The following EMSY variants were observed in gnomAD, a reference collection of about 807,000 sequenced individuals.
EMSY encodes the protein EMSY transcriptional repressor, BRCA2 interacting.
EMSY carries 26 observed loss-of-function variants against 134.6 expected under a neutral mutation model. The ratio of observed to expected loss-of-function variants is 0.19; its 90% CI spans 0.14 to 0.27. The LOEUF (loss-of-function observed/expected upper bound fraction) is 0.27. Among genes scored for constraint, EMSY ranks in the 10% least tolerant of loss-of-function variants. The pLI is 1.00. For missense variants in EMSY, 1,305 were observed against 1,611.4 expected, an observed-to-expected ratio of 0.81 and a Z score of 3.26; for synonymous variants, 579 against 577.8, an observed-to-expected ratio of 1.00 and a Z score of -0.03.
At chr11:76,525,023 C>T (rs1334052357) in intron 12 of EMSY, among the ~76,000 whole-genome samples, 1 of 152,132 alleles carries the variant, frequency 6.6e-6, no homozygotes, top group Non-Finnish European at 1.5e-5. Flanking sequence ...CCACTGCCAC[C>T]CCCGCCAAAG....
intron 3 of EMSY, among the ~76,000 whole-genome samples, chr11:76,452,450 G>A (rs1195555445): frequency 2.0e-5 from 3 of 152,080 alleles, no homozygotes; most frequent in African/African-American, 7.2e-5. Flanking sequence ...CATTAATATA[G>A]GGATGTTATT....
rs969521147 is a variant in EMSY, at chr11:76,511,425, G to A, written c.1364-1961G>A. On this transcript the variant is annotated intron_variant, in intron 9 of 20. Coordinates refer to ENST00000334736, the Ensembl canonical transcript of EMSY. ...CTTTAAGAATTACTTAATTGTGGTC[G>A]GGTCTGGTGGCTCACACCTGTAATC... 4.6e-5 allele frequency among the ~76,000 whole-genome samples: 7 copies of A among 152,148 alleles called. No homozygotes were observed. The South Asian group carries it at 6.2e-4, about 14-fold the overall frequency.
Position 76,547,022 on chromosome 11 carries a change from T to A in EMSY, c.3774+725T>A, listed in dbSNP as rs1200356591. On this transcript the variant is annotated intron_variant, in intron 20 of 20. Transcript: ENST00000334736. ...TCTAAAAATCATCTCTTGTCATGCA[T>A]AATAGGTCAAGACTAAAGAATTACT... The A allele has an allele frequency of 2.9e-5, 13 of 449,120 alleles. 1 individual carries two copies. Among genetic ancestry groups the A allele is most frequent in the African/African-American group, 8.0e-5 (4 of 49,764 alleles). 27.8% of individuals were successfully genotyped at this position (449,120 alleles called of 1,614,324 possible). A position where few individuals can be genotyped will look rare whatever the true frequency, so the allele number is the denominator to read the frequency against.
chr11:76,546,751 C>T (rs1164191113), intron 20 of EMSY, among the ~76,000 whole-genome samples: 1 of 152,134 alleles, frequency 6.6e-6, no homozygotes, highest in African/African-American at 2.4e-5. Flanking sequence ...AGTTCTTGTT[C>T]TTGATCCAAA....
intron 16 of EMSY, among the ~76,000 whole-genome samples, chr11:76,538,951 C>T (rs1951328607): frequency 6.6e-6 from 1 of 152,142 alleles, no homozygotes; most frequent in Non-Finnish European, 1.5e-5. Flanking sequence ...GAGGGAGACT[C>T]TGTCTCAAAA....
intron 12 of EMSY, among the ~76,000 whole-genome samples, chr11:76,526,076 A>G (rs1252122564): frequency 6.6e-6 from 1 of 152,166 alleles, no homozygotes; most frequent in Non-Finnish European, 1.5e-5. Context: ...ATAAATATGT[A>G]TGTGGGGGTT....
chr11:76,496,588 A>C, intron 9 of EMSY, 119 bp downstream of exon 10: 1 of 1,162,506 alleles, frequency 8.6e-7, no homozygotes, highest in Non-Finnish European at 1.3e-6. Flanking sequence ...CTTTTTCATC[A>C]GTGTTTTACA....
At chr11:76,525,510 T>C (rs1191968817) in intron 12 of EMSY, among the ~76,000 whole-genome samples, 2 of 152,212 alleles carry the variant, frequency 1.3e-5, no homozygotes, top group Non-Finnish European at 2.9e-5. Flanking sequence ...AATTCTCAAA[T>C]CTTTTCATTT....
chr11:76,457,137 C>A (rs1256902564), intron 4 of EMSY, among the ~76,000 whole-genome samples: 1 of 151,956 alleles, frequency 6.6e-6, no homozygotes, highest in Non-Finnish European at 1.5e-5. Flanking sequence ...TAACTATCAT[C>A]ATTACTATCA....
At chr11:76,542,388 T>C in intron 18 of EMSY, 21 bp downstream of exon 19, 1 of 1,609,576 alleles carries the variant, frequency 6.2e-7, no homozygotes, top group Non-Finnish European at 8.5e-7. Context: ...TTCTTTTTCT[T>C]CCTATCTTCT....
chr11:76,506,783 C>G (rs1205717127), intron 9 of EMSY, among the ~76,000 whole-genome samples: 6 of 152,130 alleles, frequency 3.9e-5, no homozygotes. Flanking sequence ...AATCGAAAAT[C>G]CCGATAAGAT....
At chr11:76,518,355 A>G (rs1010259024) in intron 11 of EMSY, among the ~76,000 whole-genome samples, 4 of 150,890 alleles carry the variant, frequency 2.7e-5, no homozygotes, top group African/African-American at 9.7e-5. Context: ...TTTTCTAGAG[A>G]CAGGGTTTTG....
intron 7 of EMSY, among the ~76,000 whole-genome samples, chr11:76,469,299 A>G (rs140687267): frequency 1.3e-5 from 2 of 152,318 alleles, no homozygotes; most frequent in African/African-American, 2.4e-5. Context: ...GTGAATTCTT[A>G]TCTGGGCCTC....
intron 8 of EMSY, among the ~76,000 whole-genome samples, chr11:76,483,590 A>G (rs1225788667): frequency 1.3e-5 from 2 of 152,218 alleles, no homozygotes; most frequent in Admixed American, 6.5e-5. Flanking sequence ...AAAAAAAAGC[A>G]AGGATTGCAA....
intron 4 of EMSY, among the ~76,000 whole-genome samples, chr11:76,455,454 C>G (rs559278577): frequency 6.6e-6 from 1 of 152,192 alleles, no homozygotes; most frequent in African/African-American, 2.4e-5. Context: ...GCAACAGAGC[C>G]TAGTTCCAAA....
At chr11:76,513,464 G>A (rs1421810310) in exon 10 of EMSY, 1 of 1,613,726 alleles carries the variant, frequency 6.2e-7, no homozygotes, top group Admixed American at 1.7e-5. Context: ...CCCACCAGTA[G>A]CAATTCCCCT....
chr11:76,515,757 C>T (rs1428202338), intron 10 of EMSY, among the ~76,000 whole-genome samples: 2 of 152,130 alleles, frequency 1.3e-5, no homozygotes, highest in East Asian at 3.9e-4. Context: ...AAAACAGATG[C>T]AGAGACCTTA....
chr11:76,519,868 A>G (rs372199167), intron 11 of EMSY, among the ~76,000 whole-genome samples: 2 of 152,172 alleles, frequency 1.3e-5, no homozygotes, highest in East Asian at 3.8e-4. Context: ...CGATTGTTTT[A>G]TAAGTGAAGA....
Position 76,467,166 on chromosome 11 carries a change from C to T in EMSY, c.831+3086C>T, listed in dbSNP as rs1046017876. Among the ~76,000 whole-genome samples, 5 of 152,260 alleles carry T rather than the reference C, an allele frequency of 3.3e-5. No individual in the cohort carries two copies. The South Asian group carries it at 6.2e-4, about 19-fold the overall frequency. On this transcript the variant is annotated intron_variant, in intron 7 of 20. Coordinates refer to ENST00000334736, the Ensembl canonical transcript of EMSY. ...ACTCCAAGATAATCTTTCTGAATGT[C>T]ACTTTTTATATGCTATTATAGTTAT...
Sources: allele counts gnomAD v4.1 joint callset (sites outside exome capture counted in the v4.1 genomes callset), GRCh38; gene constraint gnomAD v4.1.1; transcripts MANE v1.5; gene names NCBI Gene and HGNC (gene_info 2026-07-23, HGNC 2026-07-21).